Variants in ZNF280C observed in about 807,000 individuals in gnomAD.
ZNF280C encodes the protein zinc finger protein 280C, also known as suppressor of hairy wing homolog 3.
In ZNF280C, 14 loss-of-function variants were observed where a neutral mutation model predicts 53.6. The ratio of observed to expected loss-of-function variants is 0.26; its 90% CI spans 0.17 to 0.41. ZNF280C has a LOEUF of 0.41. ZNF280C is among the 10% of genes least tolerant of loss of function. The pLI is 1.00. For synonymous variants in ZNF280C, 203 were observed against 181.1 expected, an observed-to-expected ratio of 1.12 and a Z score of -0.97; for missense variants, 416 against 547.1, an observed-to-expected ratio of 0.76 and a Z score of 2.39.
At chrX:130,253,709 T>A (rs190545271) in intron 2 of ZNF280C, among the ~76,000 whole-genome samples, 201 of 112,256 alleles carry the variant, frequency 1.8e-3, no homozygotes, top group African/African-American at 6.3e-3. Context: ...GCTAGCCATA[T>A]GCAAGAGACT....
rs1556301658 is a variant in ZNF280C at position 130,208,634 on chromosome X, G to GCTTA, written c.2042+1018_2042+1019insTAAG. Among the ~76,000 whole-genome samples, 32 of 111,046 alleles carry GCTTA rather than the reference G, an allele frequency of 2.9e-4. No individual in the cohort carries two copies. The East Asian group carries it at 5.8e-3, about 20-fold the overall frequency. On this transcript the variant is annotated intron_variant, in intron 16 of 18. Coordinates refer to ENST00000370978, the MANE Select transcript of ZNF280C (RefSeq NM_017666.5). ...TTCTTATAAGCATTTTTCAGTAAAG[G>GCTTA]TAACACCTAATATATTTTACTCTTT...
chrX:130,215,346 G>GA lies in ZNF280C; in HGVS notation c.1839-14dup, dbSNP rs755935197. On this transcript the variant is annotated splice_polypyrimidine_tract_variant and intron_variant, in intron 14 of 18. Transcript: ENST00000370978. ...TCCCCGACGACACCTTATGGAGACGGAAAAAAAAGATAAAAAGAGATTATA... is the reference window on the plus strand; with the variant it reads ...TCCCCGACGACACCTTATGGAGACGGAAAAAAAAAGATAAAAAGAGATTATA... 3.6e-5 allele frequency: 41 copies of GA among 1,132,326 alleles called. No homozygotes were observed. Among genetic ancestry groups the GA allele is most frequent in the South Asian group, 6.5e-5 (3 of 46,005 alleles). 93.3% of individuals were successfully genotyped at this position (1,132,326 alleles called of 1,213,427 possible). A position where few individuals can be genotyped will look rare whatever the true frequency, so the allele number is the denominator to read the frequency against.
intron 17 of ZNF280C, 51 bp from the exon 18 acceptor site, chrX:130,205,204 C>T (rs1284323265): frequency 8.8e-7 from 1 of 1,132,317 alleles, no homozygotes; most frequent in Non-Finnish European, 1.2e-6. Flanking sequence ...AAGAGTGAGA[C>T]TATCAATTTA....
At chrX:130,214,284 C>T (rs209235) in intron 15 of ZNF280C, among the ~76,000 whole-genome samples, 55,631 of 110,359 alleles carry the variant, frequency 0.5, 10,827 homozygotes, top group African/African-American at 0.72. Context: ...GTAGAGTAGA[C>T]CATAGGTGCT....
intron 10 of ZNF280C, among the ~76,000 whole-genome samples, 200 bp downstream of exon 10, chrX:130,228,777 T>C (rs2032248744): frequency 9.2e-6 from 1 of 108,672 alleles, no homozygotes; most frequent in Non-Finnish European, 1.9e-5. Flanking sequence ...AGTAGCTGGG[T>C]GTATAGGCAT....
chrX:130,210,059 C>T (rs1024912479), intron 15 of ZNF280C, among the ~76,000 whole-genome samples: 2 of 111,480 alleles, frequency 1.8e-5, no homozygotes, highest in African/African-American at 3.3e-5. Flanking sequence ...TGAGAAGGTG[C>T]TGTCTATGAG....
intron 2 of ZNF280C, among the ~76,000 whole-genome samples, chrX:130,254,458 A>G (rs1214671364): frequency 8.9e-6 from 1 of 112,000 alleles, no homozygotes; most frequent in Non-Finnish European, 1.9e-5. Flanking sequence ...ACATGTATAC[A>G]TATGTTCACT....
intron 2 of ZNF280C, among the ~76,000 whole-genome samples, chrX:130,256,786 C>T (rs981373161): frequency 9.2e-6 from 1 of 108,363 alleles, no homozygotes; most frequent in Admixed American, 1.0e-4. Context: ...TTAATCCCAG[C>T]TAGGCGGGAG....
At chrX:130,211,557 G>GA (rs1488423100) in intron 15 of ZNF280C, among the ~76,000 whole-genome samples, 1 of 111,394 alleles carries the variant, frequency 9.0e-6, no homozygotes, top group African/African-American at 3.3e-5. Context: ...CCATTCAGAG[G>GA]AAGGTACCTG....
intron 9 of ZNF280C, among the ~76,000 whole-genome samples, chrX:130,229,349 T>A (rs191822955): frequency 8.9e-6 from 1 of 112,426 alleles, no homozygotes; most frequent in East Asian, 2.8e-4. Context: ...TCTAAAATAA[T>A]CCATTAATGT....
chrX:130,263,903 T>C (rs868756805), intron 1 of ZNF280C, among the ~76,000 whole-genome samples: 4 of 108,020 alleles, frequency 3.7e-5, no homozygotes, highest in Middle Eastern at 9.3e-3. Flanking sequence ...CATGTGCCTG[T>C]AATCTCAGCT....
intron 16 of ZNF280C, among the ~76,000 whole-genome samples, chrX:130,205,875 T>TA (rs147621506): frequency 3.7e-3 from 313 of 85,582 alleles, no homozygotes; most frequent in South Asian, 0.013. Flanking sequence ...GAGACTATGT[T>TA]AAAAAAAAAA....
At chrX:130,251,430 T>C (rs184790007) in intron 2 of ZNF280C, among the ~76,000 whole-genome samples, 174 of 108,542 alleles carry the variant, frequency 1.6e-3, no homozygotes, top group African/African-American at 5.5e-3. Context: ...TTCGGCACAA[T>C]ACAAAAACAA....
At position 130,236,397 on chromosome X, in the gene ZNF280C, AATT is replaced by A. The variant is rs1196808013; in HGVS notation, c.664+69_664+71del. Reference sequence around the variant, plus strand: ...AAATGACCACTAATAATGGTTTTAAAATTCATCACAATTTCTAAAACGTATATA... The same window carrying A: ...AAATGACCACTAATAATGGTTTTAAACATCACAATTTCTAAAACGTATATA... On this transcript the variant is annotated intron_variant, in intron 7 of 18. Transcript: ENST00000370978. 5.4e-6 allele frequency: 6 copies of A among 1,119,184 alleles called. No individual in the cohort carries two copies. The African/African-American group carries it at 1.1e-4, about 21-fold the overall frequency. 92.2% of individuals were successfully genotyped at this position (1,119,184 alleles called of 1,213,427 possible).
chrX:130,214,036 G>T (rs1245766742), intron 15 of ZNF280C, among the ~76,000 whole-genome samples: 2 of 111,939 alleles, frequency 1.8e-5, no homozygotes, highest in Non-Finnish European at 3.8e-5. Flanking sequence ...CTAGGCTCAA[G>T]CAATCCTCCC....
Position 130,204,038 on chromosome X carries a change from A to C in ZNF280C, c.*939T>G, listed in dbSNP as rs2031943946. On this transcript the variant is annotated 3_prime_UTR_variant, in exon 19 of 19. Transcript: ENST00000370978. Reference sequence around the variant, plus strand: ...TCCTAGAATACTGGATAAAACTTTAAATAACATGAACAACTGTGTCTTTGG... The same window carrying C: ...TCCTAGAATACTGGATAAAACTTTACATAACATGAACAACTGTGTCTTTGG... The C allele has an allele frequency of 2.7e-5, 3 of 112,240 alleles. No individual in the cohort carries two copies. In the South Asian group the frequency reaches 1.1e-3, roughly 42 times the overall value. 9.2% of individuals were successfully genotyped at this position (112,240 alleles called of 1,213,427 possible). A position where few individuals can be genotyped will look rare whatever the true frequency, so the allele number is the denominator to read the frequency against.
At chrX:130,230,453 A>G (rs1026387828) in intron 9 of ZNF280C, 57 bp downstream of exon 9, 150 of 814,997 alleles carry the variant, frequency 1.8e-4, no homozygotes, top group Admixed American at 5.9e-5. Flanking sequence ...AAGATACTAT[A>G]TTCTTATCTG....
chrX:130,242,877 C>T (rs1352458676), intron 5 of ZNF280C, among the ~76,000 whole-genome samples: 1 of 111,085 alleles, frequency 9.0e-6, no homozygotes, highest in Non-Finnish European at 1.9e-5. Flanking sequence ...AGGGTTTCAC[C>T]ATGTTGCTCA....
intron 3 of ZNF280C, among the ~76,000 whole-genome samples, chrX:130,244,419 G>A (rs1381317927): frequency 9.0e-6 from 1 of 111,271 alleles, no homozygotes; most frequent in East Asian, 2.8e-4. Flanking sequence ...TCAGGAAAAG[G>A]CACAAAGCAT....
Sources: gnomAD v4.1 joint callset for allele counts (sites outside exome capture counted in the v4.1 genomes callset) on GRCh38, gnomAD v4.1.1 for gene constraint, MANE v1.5 for transcripts, NCBI Gene and HGNC (gene_info 2026-07-23, HGNC 2026-07-21) for gene names.